LETMD1: variants seen among roughly 807,000 people sequenced by gnomAD.
LETMD1 encodes LETM1 domain containing 1, also known as LETM1 domain-containing protein 1.
LETMD1 carries 30 observed loss-of-function variants against 43.9 expected under a neutral mutation model. The ratio of observed to expected loss-of-function variants is 0.68; its 90% CI spans 0.51 to 0.93. The LOEUF (loss-of-function observed/expected upper bound fraction) is 0.93, where lower values mean the gene tolerates loss of function less well. Among genes scored for constraint, LETMD1 ranks in the 40% least tolerant of loss-of-function variants. The pLI is 0.00. For synonymous variants in LETMD1, 176 were observed against 163.1 expected (o/e 1.08, Z -0.60); for missense variants, 413 against 447.7 (o/e 0.92, Z 0.70).
downstream of LETMD1, among the ~76,000 whole-genome samples, chr12:51,065,211 G>T (rs967898239): frequency 7.2e-5 from 11 of 152,174 alleles, 1 homozygote; most frequent in Non-Finnish European, 1.3e-4. Flanking sequence ...TAAGGTGCTA[G>T]AACGCAGGTT....
chr12:51,063,848 G>C, downstream of LETMD1: 2 of 1,614,056 alleles, frequency 1.2e-6, no homozygotes, highest in Non-Finnish European at 1.7e-6. Context: ...TGTCCGTGCG[G>C]AAGGGGAGGC....
At position 51,051,983 on chromosome 12, in the gene LETMD1, T is replaced by C. The variant is rs1946307045; in HGVS notation, c.275-109T>C. ...ACCTAGTTTAAAGCTTTGAGTATCG[T>C]TGGGGAGGGGTGAGAGTGTTTGCAT... is the stretch of plus-strand genomic sequence containing the variant. On this transcript the variant is annotated intron_variant, in intron 2 of 8. Transcript: ENST00000262055. 4.5e-6 allele frequency: 4 copies of C among 891,202 alleles called. No homozygotes were observed. The African/African-American group carries it at 5.1e-5, about 11-fold the overall frequency. The allele number at this position is 891,202 out of a possible 1,614,324, so 55.2% of individuals were successfully genotyped here.
chr12:51,055,665 TAAAAAAAAAAAAA>T (rs56285797), intron 4 of LETMD1, 157 bp from the exon 5 acceptor site: 8 of 150,392 alleles, frequency 5.3e-5, no homozygotes, highest in Non-Finnish European at 8.3e-5. Context: ...CCCTGTCTCT[TAAAAAAAAAAAAA>T]AAAAAAAAAA....
intron 4 of LETMD1, among the ~76,000 whole-genome samples, chr12:51,054,880 C>T (rs1019501357): frequency 3.9e-5 from 6 of 152,104 alleles, no homozygotes; most frequent in African/African-American, 1.4e-4. Context: ...GCGGGCAGAT[C>T]ACAAGGTCAG....
rs934312216 is a variant in LETMD1, at chr12:51,053,789, C to T, written c.402C>T (p.Asp134=). The T allele has an allele frequency of 7.4e-6, 12 of 1,611,544 alleles. No individual in the cohort carries two copies. The highest frequency in any genetic ancestry group is 5.0e-5 in the Admixed American group (3 of 59,498). The part of the protein sequence containing the change: ...EMEHLRQFRQ[D]VTKCLFLGII... ...TTATTTCTGCTTAGTTCCGCCAAGACGTCACCAAGTGTCTTTTCCTAGGTA... is the reference window on the plus strand; with the variant it reads ...TTATTTCTGCTTAGTTCCGCCAAGATGTCACCAAGTGTCTTTTCCTAGGTA... The change falls in exon 4 of 9, where the codon GAC becomes GAT. Residue 134 remains aspartate, a synonymous_variant. Coordinates refer to ENST00000262055, the MANE Select transcript of LETMD1 (RefSeq NM_015416.5).
At chr12:51,063,954 ACCT>A, downstream of LETMD1, 1 of 1,612,694 alleles carries the variant, frequency 6.2e-7, no homozygotes, top group Non-Finnish European at 8.5e-7. Flanking sequence ...TGTTTTCCCC[ACCT>A]CTGATTTACA....
At chr12:51,062,833 A>AAT (rs1220191959), downstream of LETMD1, 1 of 152,508 alleles carries the variant, frequency 6.6e-6, no homozygotes, top group Non-Finnish European at 1.5e-5. Flanking sequence ...GCATGGCACA[A>AAT]ATATGTCATC....
chr12:51,063,907 G>T (rs773693437), downstream of LETMD1: 4 of 1,614,086 alleles, frequency 2.5e-6, no homozygotes, highest in South Asian at 4.4e-5. Context: ...GGCTCCTCAG[G>T]GTTACAATCT....
intron 2 of LETMD1, among the ~76,000 whole-genome samples, chr12:51,050,171 A>G (rs1332410724): frequency 6.6e-6 from 1 of 152,142 alleles, no homozygotes; most frequent in East Asian, 1.9e-4. Context: ...GTAGATAAAT[A>G]GGATCAAATG....
chr12:51,056,627 CTTCA>C, intron 7 of LETMD1, 125 bp downstream of exon 7: 3 of 734,224 alleles, frequency 4.1e-6, no homozygotes, highest in Non-Finnish European at 4.6e-6. Context: ...TATTCTCTCA[CTTCA>C]TTTATTTATT....
chr12:51,050,523 C>T (rs1945768248), intron 2 of LETMD1, among the ~76,000 whole-genome samples: 1 of 151,576 alleles, frequency 6.6e-6, no homozygotes, highest in Non-Finnish European at 1.5e-5. Context: ...GCCCGGCCAA[C>T]TATTATGGAA....
intron 3 of LETMD1, 35 bp downstream of exon 3, chr12:51,052,242 G>T (rs1365003774): frequency 1.2e-6 from 2 of 1,610,414 alleles, no homozygotes; most frequent in South Asian, 1.1e-5. Flanking sequence ...GAAGTTCATG[G>T]TGAGGTAATT....
rs774693353 is a variant in LETMD1, at chr12:51,055,921, G to C, written c.560G>C (p.Arg187Pro). Residue 187 changes from arginine to proline, a missense_variant, in exon 5 of 9, where the codon CGG (arginine) becomes CCG (proline). Coordinates refer to ENST00000262055, the MANE Select transcript of LETMD1 (RefSeq NM_015416.5). ...TDFLDIYHAF[R>P]KQSHPEIISY... ...TTCTTAGATATCTATCATGCTTTCC[G>C]GAAGCAGTCCCACCCAGAAATTATT... is the stretch of plus-strand genomic sequence containing the variant. The C allele has an allele frequency of 6.2e-7, 1 of 1,613,706 alleles. No individual in the cohort carries two copies. The highest frequency in any genetic ancestry group is 1.3e-5 in the African/African-American group (1 of 74,832).
chr12:51,064,694 G>A (rs1039826502), downstream of LETMD1: 19 of 1,496,516 alleles, frequency 1.3e-5, no homozygotes, highest in South Asian at 2.4e-4. Context: ...GAAGGTTGGG[G>A]CAAGATGAGA....
intron 1 of LETMD1, 147 bp downstream of exon 1, chr12:51,048,625 C>A: frequency 9.9e-7 from 1 of 1,005,120 alleles, no homozygotes; most frequent in Non-Finnish European, 1.4e-6. Context: ...AAACTCCGAT[C>A]CCCACTAGTG....
At chr12:51,058,150 A>G (rs2136738978) in intron 8 of LETMD1, 22 bp downstream of exon 8, 1 of 1,449,772 alleles carries the variant, frequency 6.9e-7, no homozygotes, top group East Asian at 2.3e-5. Flanking sequence ...TTCTGTGGTT[A>G]TACCACTAAA....
At chr12:51,066,048 G>A in the LETMD1 span, among the ~76,000 whole-genome samples, 47 of 152,154 alleles carry the variant, frequency 3.1e-4, no homozygotes, top group African/African-American at 9.7e-4. Flanking sequence ...GGCCAGGCAC[G>A]GTGGCTCATG....
rs1351161863 is a variant in LETMD1 at position 51,055,776 on chromosome 12, G to A, written c.474-59G>A. 6 of 1,233,388 alleles carry A rather than the reference G, an allele frequency of 4.9e-6. No homozygotes were observed. In the Admixed American group the frequency reaches 1.1e-4, roughly 23 times the overall value. 76.4% of individuals were successfully genotyped at this position (1,233,388 alleles called of 1,614,324 possible). The stretch of plus-strand genomic sequence containing the variant: ...TTCATGTCTACCAAATGCTTTCTTT[G>A]GCTTCCTCTGAAAGAAGCCAGTTTC... On this transcript the variant is annotated intron_variant, in intron 4 of 8. Coordinates refer to ENST00000262055, the MANE Select transcript of LETMD1 (RefSeq NM_015416.5).
the LETMD1 span, among the ~76,000 whole-genome samples, chr12:51,067,358 A>G: frequency 2.3e-4 from 35 of 151,980 alleles, no homozygotes; most frequent in South Asian, 7.3e-3. This position sits in a 1 kb window ranked among gnomAD's most constrained non-coding sequence, Gnocchi z 4.1. Context: ...CAAAAATTTT[A>G]AGAGACAGGG....
Sources: gnomAD v4.1 joint callset for allele counts (sites outside exome capture counted in the v4.1 genomes callset) on GRCh38, gnomAD v4.1.1 for gene constraint, Gnocchi (gnomAD v3.1) non-coding constraint, MANE v1.5 for transcripts, NCBI Gene and HGNC (gene_info 2026-07-23, HGNC 2026-07-21) for gene names.